The following KCNH1 variants were observed in gnomAD, a reference collection of about 807,000 sequenced individuals.
KCNH1 encodes voltage-gated delayed rectifier potassium channel KCNH1.
Under a neutral mutation model 69.2 loss-of-function variants are expected in KCNH1, and 27 were observed. That is an observed-to-expected ratio of 0.39 (90% confidence interval 0.29 to 0.54). The LOEUF is 0.54. Ranked by LOEUF, KCNH1 falls within the 20% of genes least tolerant of loss-of-function variation. KCNH1 has a pLI of 0.68. For missense variants in KCNH1, 798 were observed against 1,261.6 expected, an observed-to-expected ratio of 0.63 and a Z score of 5.57; for synonymous variants, 456 against 487.7, an observed-to-expected ratio of 0.93 and a Z score of 0.86.
At chr1:210,781,517 G>A (rs1224270315) in intron 9 of KCNH1, among the ~76,000 whole-genome samples, 4 of 152,260 alleles carry the variant, frequency 2.6e-5, no homozygotes, top group Non-Finnish European at 5.9e-5. Flanking sequence ...CTCCGAGGAA[G>A]GGGCATCCTC....
intron 5 of KCNH1, among the ~76,000 whole-genome samples, chr1:211,059,699 C>A (rs141318773): frequency 0.016 from 2,501 of 151,850 alleles, 68 homozygotes; most frequent in African/African-American, 0.056. Flanking sequence ...GCCGAGATTG[C>A]GCCACTGCAC....
intron 5 of KCNH1, among the ~76,000 whole-genome samples, chr1:211,067,213 T>TA (rs1324261100): frequency 6.6e-6 from 1 of 152,176 alleles, no homozygotes; most frequent in African/African-American, 2.4e-5. Flanking sequence ...CTTTCCTCCT[T>TA]ATAAGGGCAC....
At chr1:210,987,077 A>G (rs1688853998) in intron 6 of KCNH1, among the ~76,000 whole-genome samples, 1 of 152,096 alleles carries the variant, frequency 6.6e-6, no homozygotes, top group African/African-American at 2.4e-5. Context: ...TGAGTGAATC[A>G]GCTACCGAGG....
intron 1 of KCNH1, among the ~76,000 whole-genome samples, chr1:211,124,610 G>C (rs1339627811): frequency 6.6e-6 from 1 of 151,898 alleles, no homozygotes; most frequent in African/African-American, 2.4e-5. Context: ...AGCAAGACTC[G>C]GTCAAAAGAA....
At chr1:211,092,323 A>G (rs950261755) in intron 3 of KCNH1, among the ~76,000 whole-genome samples, 2 of 152,222 alleles carry the variant, frequency 1.3e-5, no homozygotes, top group Non-Finnish European at 2.9e-5. Flanking sequence ...ATCTAGCTTG[A>G]CAACAGCTAC....
intron 10 of KCNH1, among the ~76,000 whole-genome samples, chr1:210,774,729 A>G (rs989136313): frequency 7.9e-5 from 12 of 152,172 alleles, no homozygotes; most frequent in African/African-American, 2.9e-4. Context: ...TAGATGGAGG[A>G]GTTCTGATGA....
At chr1:211,066,768 T>TA (rs1291268056) in intron 5 of KCNH1, among the ~76,000 whole-genome samples, 1 of 152,198 alleles carries the variant, frequency 6.6e-6, no homozygotes, top group Admixed American at 6.5e-5. Flanking sequence ...AGTTGCCAAA[T>TA]AGACTGTAAC....
intron 7 of KCNH1, among the ~76,000 whole-genome samples, chr1:210,903,633 A>C (rs1033859744): frequency 6.6e-6 from 1 of 152,224 alleles, no homozygotes; most frequent in African/African-American, 2.4e-5. Flanking sequence ...AGAAAAAATG[A>C]AATATCATCA....
chr1:210,967,002 T>C (rs887795294), intron 6 of KCNH1, among the ~76,000 whole-genome samples: 1 of 152,200 alleles, frequency 6.6e-6, no homozygotes, highest in Admixed American at 6.5e-5. Context: ...AAAGAAAATA[T>C]GGCTTATATA....
At chr1:210,693,606 A>G (rs141567916) in intron 10 of KCNH1, among the ~76,000 whole-genome samples, 21 of 151,140 alleles carry the variant, frequency 1.4e-4, no homozygotes, top group Non-Finnish European at 2.1e-4. Context: ...AAGGAGAAAC[A>G]AATATGAGCT....
At chr1:210,948,194 C>A (rs1687994915) in intron 6 of KCNH1, among the ~76,000 whole-genome samples, 2 of 149,796 alleles carry the variant, frequency 1.3e-5, no homozygotes, top group Non-Finnish European at 1.5e-5. Flanking sequence ...GAGTAAGACC[C>A]TGTCTCTTTA....
intron 6 of KCNH1, among the ~76,000 whole-genome samples, chr1:210,961,588 C>T (rs1200313557): frequency 6.6e-6 from 1 of 152,122 alleles, no homozygotes; most frequent in South Asian, 2.1e-4. Flanking sequence ...AGCCTGTAAT[C>T]CCAGCACTTT....
chr1:210,866,427 A>T (rs1430861695), intron 7 of KCNH1, among the ~76,000 whole-genome samples: 3 of 152,208 alleles, frequency 2.0e-5, no homozygotes, highest in Non-Finnish European at 2.9e-5. Flanking sequence ...ATAGTGAAAA[A>T]ATAACCCAAT....
intron 7 of KCNH1, among the ~76,000 whole-genome samples, chr1:210,907,089 A>T (rs1179761053): frequency 6.6e-6 from 1 of 152,220 alleles, no homozygotes; most frequent in African/African-American, 2.4e-5. Context: ...ACAGATAATC[A>T]ACCATAAATT....
chr1:210,988,155 G>C (rs1480334141), intron 6 of KCNH1, among the ~76,000 whole-genome samples: 2 of 152,162 alleles, frequency 1.3e-5, no homozygotes, highest in Non-Finnish European at 2.9e-5. Context: ...GGGTGGGAGT[G>C]ATCCAATTTT....
chr1:211,099,622 C>G (rs1449035572), intron 3 of KCNH1, among the ~76,000 whole-genome samples: 1 of 152,084 alleles, frequency 6.6e-6, no homozygotes, highest in African/African-American at 2.4e-5. Context: ...CTGACGCCCT[C>G]ACTTTGCATC....
intron 10 of KCNH1, among the ~76,000 whole-genome samples, chr1:210,732,251 C>T (rs979613555): frequency 1.3e-5 from 2 of 151,926 alleles, no homozygotes; most frequent in East Asian, 3.9e-4. Context: ...TCTGGGGGTA[C>T]ACCACCAGCT....
At chr1:210,781,080 T>A (rs1455565493) in intron 9 of KCNH1, among the ~76,000 whole-genome samples, 1 of 152,106 alleles carries the variant, frequency 6.6e-6, no homozygotes, top group Non-Finnish European at 1.5e-5. Context: ...AAAAGCCACG[T>A]AAGCCTCTGA....
chr1:211,019,952 A>G (rs1278471957), intron 5 of KCNH1, among the ~76,000 whole-genome samples: 1 of 152,172 alleles, frequency 6.6e-6, no homozygotes, highest in African/African-American at 2.4e-5. Flanking sequence ...TCTTGAAACA[A>G]ATGAAAATGA....
Sources: allele counts gnomAD v4.1 joint callset (sites outside exome capture counted in the v4.1 genomes callset), GRCh38; gene constraint gnomAD v4.1.1; transcripts MANE v1.5; gene names NCBI Gene and HGNC (gene_info 2026-07-23, HGNC 2026-07-21).